Variants in LRRC4C observed in about 807,000 individuals in gnomAD.
LRRC4C encodes leucine rich repeat containing 4C.
Under a neutral mutation model 33.6 loss-of-function variants are expected in LRRC4C, and 5 were observed. That is an observed-to-expected ratio of 0.15 (90% confidence interval 0.08 to 0.31). The LOEUF (loss-of-function observed/expected upper bound fraction) is 0.31. Among genes scored for constraint, LRRC4C ranks in the 10% least tolerant of loss-of-function variants. LRRC4C has a pLI of 1.00. For missense variants in LRRC4C, 560 were observed against 796.7 expected (o/e 0.70, Z 3.58); for synonymous variants, 329 against 302.0 (o/e 1.09, Z -0.93).
chr11:41,389,171 A>G (rs1286976982), intron 1 of LRRC4C, among the ~76,000 whole-genome samples: 1 of 151,834 alleles, frequency 6.6e-6, no homozygotes, highest in Non-Finnish European at 1.5e-5. Flanking sequence ...TCATTTAGCA[A>G]AAAGATAAAA....
At chr11:41,203,603 T>C (rs528118386) in intron 1 of LRRC4C, among the ~76,000 whole-genome samples, 1 of 152,320 alleles carries the variant, frequency 6.6e-6, no homozygotes, top group East Asian at 1.9e-4. Flanking sequence ...TGGTTAAATA[T>C]AAAGGTTCTG....
At chr11:40,176,195 A>G (rs965455313) in intron 5 of LRRC4C, among the ~76,000 whole-genome samples, 1 of 152,184 alleles carries the variant, frequency 6.6e-6, no homozygotes, top group Non-Finnish European at 1.5e-5. Context: ...AGTTTCAAAG[A>G]GGTTTGGCAT....
At chr11:40,307,881 T>C (rs547978396) in intron 4 of LRRC4C, among the ~76,000 whole-genome samples, 1 of 152,334 alleles carries the variant, frequency 6.6e-6, no homozygotes, top group Non-Finnish European at 1.5e-5. Context: ...ATTGAGCCAA[T>C]AGAGGTTTAT....
At chr11:40,811,954 G>A (rs1951510569) in intron 2 of LRRC4C, among the ~76,000 whole-genome samples, 1 of 152,074 alleles carries the variant, frequency 6.6e-6, no homozygotes, top group Admixed American at 6.6e-5. Flanking sequence ...GAAATCAATG[G>A]CCCTTTCAGA....
intron 3 of LRRC4C, among the ~76,000 whole-genome samples, chr11:40,558,601 C>A (rs1957420892): frequency 6.6e-6 from 1 of 152,184 alleles, no homozygotes; most frequent in South Asian, 2.1e-4. Context: ...CCACATCACT[C>A]CTGCCCCTGT....
intron 2 of LRRC4C, among the ~76,000 whole-genome samples, chr11:40,884,366 A>G (rs1269026245): frequency 6.6e-6 from 1 of 152,130 alleles, no homozygotes; most frequent in Non-Finnish European, 1.5e-5. Flanking sequence ...TAGTGCTGCA[A>G]TAAACATATG....
chr11:41,185,020 G>C (rs564339917), intron 1 of LRRC4C, among the ~76,000 whole-genome samples: 1 of 151,916 alleles, frequency 6.6e-6, no homozygotes, highest in African/African-American at 2.4e-5. Flanking sequence ...ACTATCATGC[G>C]AACAGCATGG....
intron 5 of LRRC4C, among the ~76,000 whole-genome samples, chr11:40,239,478 G>C (rs892610656): frequency 3.3e-5 from 5 of 152,074 alleles, no homozygotes; most frequent in Admixed American, 3.3e-4. Context: ...GAAACTGAAG[G>C]GTCCAAGCTA....
intron 1 of LRRC4C, among the ~76,000 whole-genome samples, chr11:41,129,194 A>G (rs1295688973): frequency 6.6e-6 from 1 of 151,964 alleles, no homozygotes; most frequent in East Asian, 1.9e-4. Flanking sequence ...AAACTTTTTT[A>G]TAATTAGGTC....
At chr11:40,693,209 T>G (rs1157882789) in intron 2 of LRRC4C, among the ~76,000 whole-genome samples, 3 of 152,108 alleles carry the variant, frequency 2.0e-5, no homozygotes. Flanking sequence ...CCATTTCAGA[T>G]AGCATTCATA....
At chr11:40,775,824 T>A (rs989064846) in intron 2 of LRRC4C, among the ~76,000 whole-genome samples, 1 of 152,226 alleles carries the variant, frequency 6.6e-6, no homozygotes, top group African/African-American at 2.4e-5. Context: ...TGAACAGGAA[T>A]GGTGAGAATA....
At chr11:40,223,640 C>T (rs555494314) in intron 5 of LRRC4C, among the ~76,000 whole-genome samples, 96 of 152,296 alleles carry the variant, frequency 6.3e-4, no homozygotes, top group African/African-American at 2.3e-3. Flanking sequence ...TTGCCTTTCT[C>T]ATTTGTGTTA....
chr11:41,287,582 T>C (rs1309109633), intron 1 of LRRC4C, among the ~76,000 whole-genome samples: 1 of 152,206 alleles, frequency 6.6e-6, no homozygotes, highest in Non-Finnish European at 1.5e-5. Flanking sequence ...AATAGAATTG[T>C]AGGTTTCTGC....
At chr11:41,249,121 A>G (rs994561059) in intron 1 of LRRC4C, among the ~76,000 whole-genome samples, 6 of 147,704 alleles carry the variant, frequency 4.1e-5, no homozygotes, top group Non-Finnish European at 7.4e-5. Context: ...TGCAAGCTCC[A>G]CCTCCCGGAT....
chr11:40,347,632 G>C (rs947970879), intron 3 of LRRC4C, among the ~76,000 whole-genome samples: 1 of 152,146 alleles, frequency 6.6e-6, no homozygotes, highest in Non-Finnish European at 1.5e-5. Flanking sequence ...TTTTGAGACG[G>C]AGTTTCGCTC....
chr11:41,177,064 A>T (rs559237606), intron 1 of LRRC4C, among the ~76,000 whole-genome samples: 12 of 152,288 alleles, frequency 7.9e-5, no homozygotes, highest in African/African-American at 2.9e-4. Context: ...CTACCAACTG[A>T]TCCAGGACCT....
chr11:40,534,331 A>G (rs1019896165), intron 3 of LRRC4C, among the ~76,000 whole-genome samples: 40 of 152,196 alleles, frequency 2.6e-4, no homozygotes, highest in African/African-American at 9.4e-4. Flanking sequence ...TGGCATATAT[A>G]TATGTGTATA....
At chr11:40,141,992 G>C (rs11603060) in intron 5 of LRRC4C, among the ~76,000 whole-genome samples, 5,687 of 152,026 alleles carry the variant, frequency 0.037, 144 homozygotes, top group Middle Eastern at 0.088. Context: ...TTAAATAAAT[G>C]GATAACTCAG....
At chr11:40,901,584 G>C (rs1283349875) in intron 2 of LRRC4C, among the ~76,000 whole-genome samples, 1 of 151,920 alleles carries the variant, frequency 6.6e-6, no homozygotes, top group African/African-American at 2.4e-5. Flanking sequence ...AATTACTGAT[G>C]GTTATTACCC....
Sources: gnomAD v4.1 joint callset for allele counts (sites outside exome capture counted in the v4.1 genomes callset) on GRCh38, gnomAD v4.1.1 for gene constraint, MANE v1.5 for transcripts, NCBI Gene and HGNC (gene_info 2026-07-23, HGNC 2026-07-21) for gene names.